The following RNLS variants were observed in gnomAD, a reference collection of about 807,000 sequenced individuals.
The protein encoded by RNLS is renalase, FAD dependent amine oxidase.
A neutral mutation model predicts 39.8 loss-of-function variants in RNLS; 39 were observed. That is an observed-to-expected ratio of 0.98 (90% CI 0.76 to 1.28). RNLS has a LOEUF of 1.28. RNLS is among the 50% of genes most tolerant of loss of function. The pLI, the probability that RNLS is intolerant of heterozygous loss-of-function variation, is 0.00. For synonymous variants in RNLS, 147 were observed against 150.7 expected (o/e 0.98, Z 0.18); for missense variants, 410 against 413.3 (o/e 0.99, Z 0.07).
chr10:88,547,810 TTA>T (rs1215280818), intron 4 of RNLS, among the ~76,000 whole-genome samples: 1 of 152,178 alleles, frequency 6.6e-6, no homozygotes, highest in Non-Finnish European at 1.5e-5. Flanking sequence ...AAATTGGTGT[TTA>T]TAGACATGTT....
the RNLS span, among the ~76,000 whole-genome samples, chr10:88,199,146 G>T: frequency 6.6e-6 from 1 of 152,298 alleles, no homozygotes; most frequent in East Asian, 1.9e-4. Context: ...GAGAAGAGAA[G>T]TGGTTAGGGG....
At chr10:88,383,957 C>G (rs1851704312) in intron 4 of RNLS, among the ~76,000 whole-genome samples, 2 of 152,048 alleles carry the variant, frequency 1.3e-5, no homozygotes, top group East Asian at 1.9e-4. Context: ...TTATCACTCT[C>G]CCACAATAAA....
chr10:88,319,367 A>C (rs1033465481), intron 5 of RNLS, among the ~76,000 whole-genome samples: 8 of 152,224 alleles, frequency 5.3e-5, no homozygotes, highest in African/African-American at 1.7e-4. Flanking sequence ...GTAGCAAAAA[A>C]AAACCTAGAG....
At chr10:88,340,063 A>G (rs1165346019) in intron 5 of RNLS, among the ~76,000 whole-genome samples, 1 of 152,242 alleles carries the variant, frequency 6.6e-6, no homozygotes, top group African/African-American at 2.4e-5. Flanking sequence ...TTCCAGTCAC[A>G]TCTAACTACT....
At chr10:88,425,383 C>T (rs551966705) in intron 4 of RNLS, among the ~76,000 whole-genome samples, 1 of 152,212 alleles carries the variant, frequency 6.6e-6, no homozygotes, top group Non-Finnish European at 1.5e-5. Flanking sequence ...AAACCAAATA[C>T]AAATAAAGCA....
the RNLS span, among the ~76,000 whole-genome samples, chr10:88,217,189 A>G: frequency 6.6e-6 from 1 of 152,286 alleles, no homozygotes; most frequent in Middle Eastern, 3.4e-3. Context: ...TCAAGATATG[A>G]CACTAGGAGA....
intron 4 of RNLS, among the ~76,000 whole-genome samples, chr10:88,447,188 A>T (rs941322202): frequency 7.9e-5 from 12 of 152,208 alleles, no homozygotes; most frequent in Non-Finnish European, 1.6e-4. Flanking sequence ...GAAGGAAATA[A>T]AGGGTATTCA....
Position 88,285,643 on chromosome 10 carries a change from T to C in RNLS, c.877-137A>G, listed in dbSNP as rs549797809. The C allele has an allele frequency of 3.1e-4, 219 of 709,494 alleles. 1 individual carries two copies. In the African/African-American group the frequency reaches 3.6e-3, roughly 12 times the overall value. The allele number at this position is 709,494 out of a possible 1,614,324, so 43.9% of individuals were successfully genotyped here. ...AGAAGCACCAAACAAACAAAAAAAA[T>C]GCACACACAAGAAACAAAAAACAAA... On this transcript the variant is annotated intron_variant, in intron 6 of 6. Transcript: ENST00000331772.
intron 4 of RNLS, among the ~76,000 whole-genome samples, chr10:88,422,230 T>C (rs1854451358): frequency 6.6e-6 from 1 of 152,238 alleles, no homozygotes; most frequent in African/African-American, 2.4e-5. Flanking sequence ...TATTCCCTTA[T>C]ATCTTACCTT....
intron 4 of RNLS, among the ~76,000 whole-genome samples, chr10:88,532,384 T>C (rs1184486112): frequency 6.6e-6 from 1 of 152,172 alleles, no homozygotes; most frequent in Admixed American, 6.5e-5. Flanking sequence ...TACTTACTAG[T>C]ATACTGCTCC....
intron 4 of RNLS, among the ~76,000 whole-genome samples, chr10:88,532,354 A>G (rs1847478957): frequency 6.6e-6 from 1 of 152,036 alleles, no homozygotes; most frequent in Non-Finnish European, 1.5e-5. Context: ...TCTAAAATTG[A>G]GCCTGATAAG....
downstream of RNLS, among the ~76,000 whole-genome samples, chr10:88,282,533 A>C (rs1748329799): frequency 6.6e-6 from 1 of 150,552 alleles, no homozygotes; most frequent in Non-Finnish European, 1.5e-5. Context: ...ACACGCTTGG[A>C]TGAGTATAAA....
At chr10:88,469,055 A>G (rs2133968984) in intron 4 of RNLS, among the ~76,000 whole-genome samples, 1 of 152,346 alleles carries the variant, frequency 6.6e-6, no homozygotes, top group Non-Finnish European at 1.5e-5. Context: ...GAGAGTGGAT[A>G]TATGGTACAT....
chr10:88,323,082 TA>T (rs1396105916), intron 5 of RNLS, among the ~76,000 whole-genome samples: 2 of 151,970 alleles, frequency 1.3e-5, no homozygotes, highest in African/African-American at 4.8e-5. Flanking sequence ...ACTAATAAGG[TA>T]AAAGATCTAT....
chr10:88,446,640 C>T lies in RNLS; in HGVS notation c.527-83915G>A, dbSNP rs182264915. ...AAAATGATAAAGGGGATATCACCAC[C>T]GATCCCACAGAAATGCAAACTACCA... On this transcript the variant is annotated intron_variant, in intron 4 of 6. Transcript: ENST00000331772. 1.6e-3 allele frequency among the ~76,000 whole-genome samples: 236 copies of T among 152,082 alleles called. 1 individual carries two copies. The highest frequency in any genetic ancestry group is 5.4e-3 in the African/African-American group (223 of 41,480).
chr10:88,417,502 C>T (rs1030341229), intron 4 of RNLS, among the ~76,000 whole-genome samples: 1 of 152,088 alleles, frequency 6.6e-6, no homozygotes, highest in Non-Finnish European at 1.5e-5. Context: ...CAGTCTACTA[C>T]GTTAATTTGA....
At chr10:88,467,307 A>C (rs1471861179) in intron 4 of RNLS, among the ~76,000 whole-genome samples, 1 of 151,984 alleles carries the variant, frequency 6.6e-6, no homozygotes, top group African/African-American at 2.4e-5. Context: ...AAATAAATAA[A>C]AGAAAGAAAA....
chr10:88,531,858 G>A (rs1444670788), intron 4 of RNLS, among the ~76,000 whole-genome samples: 2 of 152,008 alleles, frequency 1.3e-5, no homozygotes, highest in Non-Finnish European at 2.9e-5. Flanking sequence ...CTTGAAAAAG[G>A]AGAGAGTGAA....
At chr10:88,397,396 G>C (rs1852626255) in intron 4 of RNLS, among the ~76,000 whole-genome samples, 1 of 151,844 alleles carries the variant, frequency 6.6e-6, no homozygotes, top group Non-Finnish European at 1.5e-5. Flanking sequence ...GATCTAACAA[G>C]GGACGTTAGA....
Sources: gnomAD v4.1 joint callset for allele counts (sites outside exome capture counted in the v4.1 genomes callset) on GRCh38, gnomAD v4.1.1 for gene constraint, MANE v1.5 for transcripts, NCBI Gene and HGNC (gene_info 2026-07-23, HGNC 2026-07-21) for gene names.